The following GAREM1 variants were observed in gnomAD, a reference collection of about 807,000 sequenced individuals.
GAREM1 encodes GRB2-associated and regulator of MAPK protein 1.
A neutral mutation model predicts 71.3 loss-of-function variants in GAREM1; 26 were observed. That is an observed-to-expected ratio of 0.36 (90% CI 0.27 to 0.51). The LOEUF (loss-of-function observed/expected upper bound fraction) is 0.51. Ranked by LOEUF, GAREM1 falls within the 20% of genes least tolerant of loss-of-function variation. The probability of loss-of-function intolerance (pLI) is 0.95; values close to 1 mark genes in which losing one functional copy is unlikely to be tolerated. For synonymous variants in GAREM1, 440 were observed against 433.2 expected, an observed-to-expected ratio of 1.02 and a Z score of -0.20; for missense variants, 1,026 against 1,103.1, an observed-to-expected ratio of 0.93 and a Z score of 0.99.
chr18:32,304,985 T>C (rs866657068), intron 3 of GAREM1, among the ~76,000 whole-genome samples: 1 of 151,896 alleles, frequency 6.6e-6, no homozygotes, highest in Non-Finnish European at 1.5e-5. Context: ...GAAGCAAACA[T>C]GAGAAGAAAC....
chr18:32,377,458 A>T (rs1462609231), intron 2 of GAREM1, among the ~76,000 whole-genome samples: 1 of 152,222 alleles, frequency 6.6e-6, no homozygotes, highest in Non-Finnish European at 1.5e-5. Context: ...ACAGTGGTGT[A>T]AGGTGACTGG....
intron 1 of GAREM1, among the ~76,000 whole-genome samples, chr18:32,465,405 G>A (rs41537549): frequency 0.035 from 5,264 of 152,162 alleles, 305 homozygotes; most frequent in African/African-American, 0.12. Flanking sequence ...TTTGCTCCTA[G>A]AGGCCAGTAA....
chr18:32,358,486 C>T (rs529392479), intron 2 of GAREM1, among the ~76,000 whole-genome samples: 1 of 152,166 alleles, frequency 6.6e-6, no homozygotes, highest in Non-Finnish European at 1.5e-5. Context: ...CAAAAGGGTG[C>T]TGCAAGCTTA....
chr18:32,287,258 C>T lies in GAREM1; in HGVS notation c.1339G>A (p.Gly447Arg). The change falls in exon 4 of 6, where the codon GGA (glycine) becomes AGA (arginine). Residue 447 changes from glycine to arginine, a missense_variant. Physicochemically the swap from Gly to Arg is moderately radical, Grantham distance 125. Coordinates refer to ENST00000269209, the MANE Select transcript of GAREM1 (RefSeq NM_001242409.2). This position sits in a 1 kb window ranked among gnomAD's most constrained non-coding sequence, Gnocchi z 5.9. ...TCTTCGTAGGGAAGTTCTGACTTTC[C>T]CGGGATGCCTGCTGATTCTTCACTA... ...EASEESAGIP[G>R]KSELPYEELW... 6.2e-7 allele frequency: 1 copy of T among 1,614,228 alleles called. No individual in the cohort carries two copies. Among genetic ancestry groups the T allele is most frequent in the East Asian group, 2.2e-5 (1 of 44,886 alleles).
intron 3 of GAREM1, among the ~76,000 whole-genome samples, chr18:32,305,793 T>C (rs778030193): frequency 1.3e-5 from 2 of 152,216 alleles, no homozygotes; most frequent in Non-Finnish European, 2.9e-5. Context: ...GTGCTGGGAT[T>C]ACATGCATGA....
At chr18:32,343,309 C>CTTTTTTTTT (rs987222120) in intron 2 of GAREM1, among the ~76,000 whole-genome samples, 1 of 141,270 alleles carries the variant, frequency 7.1e-6, no homozygotes, top group African/African-American at 2.8e-5. Flanking sequence ...CTCTCCCCCA[C>CTTTTTTTTT]TGTTTTTTTT....
Position 32,370,781 on chromosome 18 carries a change from C to T in GAREM1, c.262+22114G>A, listed in dbSNP as rs117402569. On this transcript the variant is annotated intron_variant, in intron 2 of 5. Transcript: ENST00000269209. ...TTTTTATATATATACAGCCTATTGGCGATCAGTAATAGATGCTAATACTAA... is the reference window on the plus strand; with the variant it reads ...TTTTTATATATATACAGCCTATTGGTGATCAGTAATAGATGCTAATACTAA... Among the ~76,000 whole-genome samples, 1,117 of 152,194 alleles carry T rather than the reference C, an allele frequency of 7.3e-3. 42 individuals carry two copies. Among genetic ancestry groups the T allele is most frequent in the East Asian group, 0.056 (289 of 5,162 alleles).
intron 2 of GAREM1, among the ~76,000 whole-genome samples, chr18:32,371,670 C>G (rs2047981555): frequency 6.6e-6 from 1 of 151,956 alleles, no homozygotes; most frequent in Non-Finnish European, 1.5e-5. Context: ...CTCCTACAGA[C>G]ATATCCCAGG....
At chr18:32,404,051 T>C (rs762147845) in intron 1 of GAREM1, among the ~76,000 whole-genome samples, 5 of 152,248 alleles carry the variant, frequency 3.3e-5, no homozygotes, top group Non-Finnish European at 4.4e-5. Context: ...TATTTCTCCC[T>C]GGACATTGAA....
chr18:32,393,939 T>C (rs2048226988), intron 1 of GAREM1, among the ~76,000 whole-genome samples: 2 of 152,196 alleles, frequency 1.3e-5, no homozygotes, highest in Non-Finnish European at 2.9e-5. Flanking sequence ...GACACTATAT[T>C]ACAGTAATTA....
chr18:32,404,450 C>CA (rs2048347189), intron 1 of GAREM1, among the ~76,000 whole-genome samples: 1 of 140,798 alleles, frequency 7.1e-6, no homozygotes. Flanking sequence ...TCTTATGTTG[C>CA]ACAAAAAAAA....
intron 2 of GAREM1, among the ~76,000 whole-genome samples, chr18:32,335,214 A>C (rs2047577865): frequency 6.6e-6 from 1 of 152,234 alleles, no homozygotes; most frequent in Admixed American, 6.5e-5. Context: ...AAGCTGAATC[A>C]ATTTTTGAAC....
chr18:32,278,865 C>T (rs1290504574), intron 4 of GAREM1, among the ~76,000 whole-genome samples: 3 of 152,120 alleles, frequency 2.0e-5, no homozygotes, highest in East Asian at 1.9e-4. Context: ...TTCTTAGATG[C>T]GTGAGCTTCT....
chr18:32,271,226 T>A (rs190039566), intron 4 of GAREM1, among the ~76,000 whole-genome samples: 1 of 152,090 alleles, frequency 6.6e-6, no homozygotes, highest in Non-Finnish European at 1.5e-5. Flanking sequence ...TGAGTCTTGC[T>A]CTGTTGCCCA....
chr18:32,361,749 A>G (rs964628706), intron 2 of GAREM1, among the ~76,000 whole-genome samples: 5 of 152,254 alleles, frequency 3.3e-5, no homozygotes, highest in African/African-American at 1.2e-4. Flanking sequence ...CATAGAGTTT[A>G]TAAAATGTAC....
At chr18:32,385,997 CA>C (rs2048144069) in intron 2 of GAREM1, among the ~76,000 whole-genome samples, 2 of 152,270 alleles carry the variant, frequency 1.3e-5, no homozygotes, top group South Asian at 4.2e-4. Context: ...AAAATTCAGT[CA>C]TCAAAAATGG....
intron 1 of GAREM1, among the ~76,000 whole-genome samples, chr18:32,414,165 A>G (rs2048445826): frequency 6.6e-6 from 1 of 152,172 alleles, no homozygotes; most frequent in Non-Finnish European, 1.5e-5. Context: ...ATTAAATTGG[A>G]ATAACATTTT....
intron 1 of GAREM1, among the ~76,000 whole-genome samples, chr18:32,419,298 C>T (rs746145653): frequency 5.9e-5 from 9 of 152,138 alleles, no homozygotes; most frequent in Non-Finnish European, 1.0e-4. Context: ...TAGTCTCCCT[C>T]CATGGATAAT....
At position 32,266,004 on chromosome 18, in the gene GAREM1, C is replaced by CA. The variant is rs1218418922; in HGVS notation, c.*1866dup. 6.6e-6 allele frequency: 1 copy of CA among 152,126 alleles called. No homozygotes were observed. Among genetic ancestry groups the CA allele is most frequent in the African/African-American group, 2.4e-5 (1 of 41,412 alleles). 9.4% of individuals were successfully genotyped at this position (152,126 alleles called of 1,614,324 possible). A position where few individuals can be genotyped will look rare whatever the true frequency, so the allele number is the denominator to read the frequency against. On this transcript the variant is annotated 3_prime_UTR_variant, in exon 6 of 6. Coordinates refer to ENST00000269209, the MANE Select transcript of GAREM1 (RefSeq NM_001242409.2). ...GTCTCATGTCCTGTGAGTGCAGTAC[C>CA]AGCACTTCCTCATTGAGTTATCTGT...
Sources: allele counts gnomAD v4.1 joint callset (sites outside exome capture counted in the v4.1 genomes callset), GRCh38; gene constraint gnomAD v4.1.1; non-coding constraint Gnocchi (gnomAD v3.1); transcripts MANE v1.5; gene names NCBI Gene and HGNC (gene_info 2026-07-23, HGNC 2026-07-21).